The following SRGAP3 variants were observed in gnomAD, a reference collection of about 807,000 sequenced individuals.
SRGAP3 encodes the protein SLIT-ROBO Rho GTPase-activating protein 3.
A neutral mutation model predicts 121.1 loss-of-function variants in SRGAP3; 39 were observed. The ratio of observed to expected loss-of-function variants is 0.32; its 90% CI spans 0.25 to 0.42. SRGAP3 has a LOEUF of 0.42. SRGAP3 is among the 10% of genes least tolerant of loss of function. SRGAP3 has a pLI of 1.00. For synonymous variants in SRGAP3, 601 were observed against 570.0 expected, an observed-to-expected ratio of 1.05 and a Z score of -0.77; for missense variants, 1,213 against 1,470.6, an observed-to-expected ratio of 0.82 and a Z score of 2.86.
intron 1 of SRGAP3, among the ~76,000 whole-genome samples, chr3:9,155,732 A>G (rs1273320484): frequency 1.3e-5 from 2 of 152,106 alleles, no homozygotes; most frequent in Non-Finnish European, 2.9e-5. Context: ...CCTGATTTCT[A>G]GTTGATTCTT....
chr3:9,039,856 GACC>G (rs1314424066), intron 10 of SRGAP3, among the ~76,000 whole-genome samples: 5 of 152,158 alleles, frequency 3.3e-5, no homozygotes, highest in Non-Finnish European at 1.5e-5. Context: ...CATATGCACA[GACC>G]ACATTTTCTT....
At position 9,218,193 on chromosome 3, in the gene SRGAP3, T is replaced by C. The variant is rs928028033; in HGVS notation, c.67+30692A>G. The C allele has an allele frequency of 1.3e-5, 2 of 152,324 alleles. No homozygotes were observed. Among genetic ancestry groups the C allele is most frequent in the Admixed American group, 1.3e-4 (2 of 15,294 alleles). The allele number at this position is 152,324 out of a possible 1,614,324, so 9.4% of individuals were successfully genotyped here. A position where few individuals can be genotyped will look rare whatever the true frequency, so the allele number is the denominator to read the frequency against. On this transcript the variant is annotated intron_variant, in intron 1 of 21. Coordinates refer to ENST00000383836, the MANE Select transcript of SRGAP3 (RefSeq NM_014850.4). This position sits in a 1 kb window ranked among gnomAD's most constrained non-coding sequence, Gnocchi z 5.3. ...AATGGTCCTCCTCTATTTGGGAAGA[T>C]ATTGCAGGAAACAATGCTCTAGGAG...
chr3:9,294,927 C>T (rs1559264142), intron 3 of SRGAP3, among the ~76,000 whole-genome samples: 1 of 152,074 alleles, frequency 6.6e-6, no homozygotes, highest in South Asian at 2.1e-4. Flanking sequence ...TCCTGCCCTT[C>T]GTTGATGAAT....
At chr3:9,251,518 G>A (rs1225474032), upstream of SRGAP3, among the ~76,000 whole-genome samples, 1 of 152,206 alleles carries the variant, frequency 6.6e-6, no homozygotes, top group African/African-American at 2.4e-5. Flanking sequence ...ACACCTTGGA[G>A]TACGACAGAC....
chr3:9,267,460 C>T (rs534985677), intron 3 of SRGAP3, among the ~76,000 whole-genome samples: 2 of 152,146 alleles, frequency 1.3e-5, no homozygotes, highest in South Asian at 4.2e-4. Context: ...TTCTGGATGC[C>T]GTGGGGGCAG....
intron 1 of SRGAP3, among the ~76,000 whole-genome samples, chr3:9,157,392 G>A (rs1950453962): frequency 6.6e-6 from 1 of 151,998 alleles, no homozygotes; most frequent in Non-Finnish European, 1.5e-5. Flanking sequence ...TCCAACACTG[G>A]GAATTACAAT....
chr3:9,013,792 T>C lies in SRGAP3; in HGVS notation c.1864A>G (p.Thr622Ala). ...ACCACAATGACCACGCGGGGAAGGGTGACGAGGATTTGTTGGATCTGGTGC... is the reference window on the plus strand; with the variant it reads ...ACCACAATGACCACGCGGGGAAGGGCGACGAGGATTTGTTGGATCTGGTGC... ...RVHQIQQILV[T>A]LPRVVIVVMR... Residue 622 changes from threonine to alanine, a missense_variant, in exon 16 of 22, where the codon ACC (threonine) becomes GCC (alanine). By Grantham distance (58) the Thr-to-Ala change is moderately conservative. Coordinates refer to ENST00000383836, the MANE Select transcript of SRGAP3 (RefSeq NM_014850.4). The C allele has an allele frequency of 6.2e-7, 1 of 1,613,868 alleles. No individual in the cohort carries two copies. Among genetic ancestry groups the C allele is most frequent in the Non-Finnish European group, 8.5e-7 (1 of 1,179,950 alleles).
intron 1 of SRGAP3, among the ~76,000 whole-genome samples, chr3:9,156,907 C>G (rs546536433): frequency 1.2e-4 from 18 of 152,174 alleles, no homozygotes; most frequent in Non-Finnish European, 2.1e-4. Flanking sequence ...ATCCCCTGTA[C>G]CCTTCATTCC....
chr3:9,152,993 C>A (rs1387085723), intron 1 of SRGAP3, among the ~76,000 whole-genome samples: 1 of 152,206 alleles, frequency 6.6e-6, no homozygotes, highest in African/African-American at 2.4e-5. Context: ...GCCTGGCTTC[C>A]ACAGTCGTTG....
At chr3:9,079,538 T>A (rs1327183743) in intron 4 of SRGAP3, among the ~76,000 whole-genome samples, 3 of 152,228 alleles carry the variant, frequency 2.0e-5, no homozygotes, top group Non-Finnish European at 2.9e-5. Context: ...CAATGCAGGC[T>A]CACCCCATGA....
chr3:9,171,949 C>A (rs572383015), intron 1 of SRGAP3, among the ~76,000 whole-genome samples: 1 of 152,144 alleles, frequency 6.6e-6, no homozygotes, highest in South Asian at 2.1e-4. Context: ...GGGCTGCCTG[C>A]AATGTGGCAT....
chr3:9,234,594 G>T (rs1953337233), intron 1 of SRGAP3, among the ~76,000 whole-genome samples: 1 of 152,112 alleles, frequency 6.6e-6, no homozygotes, highest in African/African-American at 2.4e-5. Context: ...CTCTCAGCGA[G>T]AACTCTACCC....
chr3:9,051,870 A>T lies in SRGAP3; in HGVS notation c.1323+1157T>A, dbSNP rs149058274. Among the ~76,000 whole-genome samples, 653 of 152,002 alleles carry T rather than the reference A, an allele frequency of 4.3e-3. 13 individuals carry two copies. Among genetic ancestry groups the T allele is most frequent in the African/African-American group, 0.015 (633 of 41,472 alleles). On this transcript the variant is annotated intron_variant, in intron 9 of 21. Transcript: ENST00000383836. ...TGGGACTACAGGTGCACGCCACCAC[A>T]CCCAGCTAATTTTTTGTATTTTAGT...
intron 11 of SRGAP3, 32 bp downstream of exon 11, chr3:9,038,031 G>A (rs1411091564): frequency 1.9e-6 from 3 of 1,614,116 alleles, no homozygotes; most frequent in South Asian, 2.2e-5. Context: ...TCGGGCAGCA[G>A]ATGAAAGAAA....
At chr3:9,013,198 T>C (rs1396270273) in intron 17 of SRGAP3, 110 bp downstream of exon 17, 3 of 1,076,134 alleles carry the variant, frequency 2.8e-6, no homozygotes, top group Non-Finnish European at 4.2e-6. Flanking sequence ...AAAATGTATA[T>C]GGAAGCACCG....
At chr3:9,047,214 C>T (rs1945333037) in intron 10 of SRGAP3, among the ~76,000 whole-genome samples, 177 bp downstream of exon 10, 2 of 152,030 alleles carry the variant, frequency 1.3e-5, no homozygotes, top group South Asian at 4.2e-4. Context: ...CAGATTGGAC[C>T]CCACAAGGCA....
At position 9,109,601 on chromosome 3, in the gene SRGAP3, G is replaced by T. The variant is rs1948542166; in HGVS notation, c.261-4759C>A. On this transcript the variant is annotated intron_variant, in intron 2 of 21. Transcript: ENST00000383836. The surrounding 1 kb of genome is among the most constrained non-coding windows in gnomAD (Gnocchi z 4.4). ...GGAGCAACCAAGGCTGCAAGACCCT[G>T]CCCTGCAAGTCTTCCACTTGAGTAA... Among the ~76,000 whole-genome samples, 1 of 152,150 alleles carries T rather than the reference G, an allele frequency of 6.6e-6. No homozygotes were observed. The highest frequency in any genetic ancestry group is 2.4e-5 in the African/African-American group (1 of 41,430).
At position 9,131,433 on chromosome 3, in the gene SRGAP3, CTTTT is replaced by C. The variant is rs869155697; in HGVS notation, c.68-6520_68-6517del. On this transcript the variant is annotated intron_variant, in intron 1 of 21. Coordinates refer to ENST00000383836, the MANE Select transcript of SRGAP3 (RefSeq NM_014850.4). ...GCCCAGAGAAGGGGAAGATCTAATT[CTTTT>C]TTTTTTTTTTTTTTTTTTTGAGATG... Among the ~76,000 whole-genome samples the C allele has an allele frequency of 5.5e-5, 5 of 90,214 alleles. No homozygotes were observed. In the East Asian group the frequency reaches 1.8e-3, roughly 32 times the overall value. 59.2% of individuals were successfully genotyped at this position (90,214 alleles called of 152,430 possible). A position where few individuals can be genotyped will look rare whatever the true frequency, so the allele number is the denominator to read the frequency against.
intron 3 of SRGAP3, chr3:9,257,081 T>C: frequency 2.6e-6 from 1 of 383,930 alleles, no homozygotes; most frequent in Non-Finnish European, 4.6e-6. Flanking sequence ...AGAACCTAAA[T>C]GGGAAAGAAA....
Sources: allele counts gnomAD v4.1 joint callset (sites outside exome capture counted in the v4.1 genomes callset), GRCh38; gene constraint gnomAD v4.1.1; non-coding constraint Gnocchi (gnomAD v3.1); transcripts MANE v1.5; gene names NCBI Gene and HGNC (gene_info 2026-07-23, HGNC 2026-07-21).